The following GRIK4 variants were observed in gnomAD, a reference collection of about 807,000 sequenced individuals.
GRIK4 encodes glutamate receptor ionotropic, kainate 4.
In GRIK4, 40 loss-of-function variants were observed where a neutral mutation model predicts 104.9. The observed-to-expected ratio is 0.38, with a 90% CI of 0.30 to 0.50. GRIK4 has a LOEUF of 0.50. Among genes scored for constraint, GRIK4 ranks in the 20% least tolerant of loss-of-function variants. The probability of loss-of-function intolerance (pLI) is 0.93; values close to 1 mark genes in which losing one functional copy is unlikely to be tolerated. For missense variants in GRIK4, 1,047 were observed against 1,308.1 expected, an observed-to-expected ratio of 0.80 and a Z score of 3.08; for synonymous variants, 485 against 524.9, an observed-to-expected ratio of 0.92 and a Z score of 1.04.
chr11:120,985,909 CGT>C lies in GRIK4; in HGVS notation c.2521_2522del (p.Val841LeufsTer304). The C allele has an allele frequency of 1.3e-6, 2 of 1,551,746 alleles. No homozygotes were observed. Among genetic ancestry groups the C allele is most frequent in the Non-Finnish European group, 1.7e-6 (2 of 1,147,704 alleles). ...GACCTCGCTGTCTCCTCCAGGTGTCCGTCTGCCAGGAGATGGTGACCGAGCTG... is the reference window on the plus strand; with the variant it reads ...GACCTCGCTGTCTCCTCCAGGTGTCCCTGCCAGGAGATGGTGACCGAGCTG... ...LRHSEATEVSVCQEMVTELRS... is the reference protein window; with the variant it reads ...LRHSEATEVSXCQEMVTELRS... On this transcript the variant is annotated frameshift_variant, in exon 21 of 21. Coordinates refer to ENST00000527524, the MANE Select transcript of GRIK4 (RefSeq NM_014619.5). LOFTEE classifies it high-confidence loss of function.
intron 11 of GRIK4, among the ~76,000 whole-genome samples, chr11:120,891,254 G>C (rs1448965031): frequency 6.6e-6 from 1 of 152,218 alleles, no homozygotes; most frequent in Non-Finnish European, 1.5e-5. Flanking sequence ...CAGCCTGGAA[G>C]GAATCTGAGC....
chr11:120,554,249 A>G (rs796705340), intron 1 of GRIK4, among the ~76,000 whole-genome samples: 1 of 152,370 alleles, frequency 6.6e-6, no homozygotes, highest in African/African-American at 2.4e-5. Context: ...AACCCAGGAT[A>G]TCATTGGCAG....
chr11:120,880,281 T>C (rs963081776), intron 11 of GRIK4, among the ~76,000 whole-genome samples: 2 of 152,206 alleles, frequency 1.3e-5, no homozygotes, highest in African/African-American at 4.8e-5. Context: ...TCTACTGACA[T>C]AGTAGCTAAC....
chr11:120,599,117 C>T (rs1023244505), intron 1 of GRIK4, among the ~76,000 whole-genome samples: 1 of 152,228 alleles, frequency 6.6e-6, no homozygotes, highest in African/African-American at 2.4e-5. Flanking sequence ...ACTGAGCTTC[C>T]ACATCTGGAC....
rs1591680871 is a variant in GRIK4 at position 120,536,483 on chromosome 11, T to C, written c.-159+24596T>C. Among the ~76,000 whole-genome samples, 4 of 152,322 alleles carry C rather than the reference T, an allele frequency of 2.6e-5. No individual in the cohort carries two copies. The South Asian group carries it at 6.2e-4, about 24-fold the overall frequency. On this transcript the variant is annotated intron_variant, in intron 1 of 20. Transcript: ENST00000527524. ...GGTGGATGCGGAGCTGGTTGAACAATTGGACCTGGAACATTGATTACAGAT... is the reference window on the plus strand; with the variant it reads ...GGTGGATGCGGAGCTGGTTGAACAACTGGACCTGGAACATTGATTACAGAT...
intron 4 of GRIK4, among the ~76,000 whole-genome samples, chr11:120,808,881 C>A (rs1480510579): frequency 2.0e-5 from 3 of 152,154 alleles, no homozygotes; most frequent in African/African-American, 7.2e-5. Flanking sequence ...CCAGCCCTCC[C>A]CAGTGCACAT....
At chr11:120,867,570 G>T (rs959505891) in intron 9 of GRIK4, among the ~76,000 whole-genome samples, 1 of 151,438 alleles carries the variant, frequency 6.6e-6, no homozygotes, top group Admixed American at 6.6e-5. Context: ...TCCTGACTTG[G>T]GTAAGGGTCT....
At chr11:120,949,217 C>T (rs1293619845) in intron 14 of GRIK4, among the ~76,000 whole-genome samples, 1 of 151,992 alleles carries the variant, frequency 6.6e-6, no homozygotes, top group East Asian at 1.9e-4. Context: ...GCTCCATGGA[C>T]AGCCCCACTA....
chr11:120,654,219 C>T (rs1197080594), intron 2 of GRIK4, among the ~76,000 whole-genome samples: 1 of 152,198 alleles, frequency 6.6e-6, no homozygotes, highest in African/African-American at 2.4e-5. Context: ...TCAATTTGAA[C>T]CCAGCACTGC....
intron 13 of GRIK4, among the ~76,000 whole-genome samples, chr11:120,908,911 C>T (rs898557425): frequency 6.6e-6 from 1 of 152,246 alleles, no homozygotes; most frequent in Non-Finnish European, 1.5e-5. Context: ...AAAATGTGGG[C>T]TGATCTAGCA....
At chr11:120,732,619 T>C (rs1221914236) in intron 3 of GRIK4, among the ~76,000 whole-genome samples, 1 of 152,252 alleles carries the variant, frequency 6.6e-6, no homozygotes, top group Non-Finnish European at 1.5e-5. Flanking sequence ...GAGCATATTG[T>C]TTATTTTCTG....
chr11:120,559,474 A>G (rs1398200515), intron 1 of GRIK4, among the ~76,000 whole-genome samples: 1 of 152,228 alleles, frequency 6.6e-6, no homozygotes, highest in Non-Finnish European at 1.5e-5. Flanking sequence ...CTGGCATCTC[A>G]GGAGAATCTA....
intron 1 of GRIK4, among the ~76,000 whole-genome samples, chr11:120,541,680 A>G (rs549250823): frequency 6.6e-6 from 1 of 152,060 alleles, no homozygotes; most frequent in African/African-American, 2.4e-5. Flanking sequence ...TTTTGTAGAG[A>G]CAGGGTTTTG....
At chr11:120,866,632 G>A (rs1954422413) in intron 9 of GRIK4, among the ~76,000 whole-genome samples, 2 of 152,110 alleles carry the variant, frequency 1.3e-5, no homozygotes, top group Admixed American at 1.3e-4. Flanking sequence ...TGGTGCTGCC[G>A]GCGGAGAACA....
chr11:120,690,242 C>A (rs1361322073), intron 3 of GRIK4, among the ~76,000 whole-genome samples: 1 of 152,166 alleles, frequency 6.6e-6, no homozygotes, highest in Non-Finnish European at 1.5e-5. Flanking sequence ...TGTTGAAGTG[C>A]TGAATAAAAA....
At position 120,666,164 on chromosome 11, in the gene GRIK4, C is replaced by T. The variant is rs371218372; in HGVS notation, c.82+5764C>T. On this transcript the variant is annotated intron_variant, in intron 3 of 20. Transcript: ENST00000527524. ...TTGTGCCATGGTTTGTGGTGTATAG[C>T]GTGTTCTTACACACATGTTAATTCA... 3.9e-5 allele frequency among the ~76,000 whole-genome samples: 6 copies of T among 152,190 alleles called. No homozygotes were observed. In the East Asian group the frequency reaches 7.7e-4, roughly 20 times the overall value.
chr11:120,633,908 G>A (rs1021399054), intron 1 of GRIK4, among the ~76,000 whole-genome samples: 1 of 152,224 alleles, frequency 6.6e-6, no homozygotes, highest in Non-Finnish European at 1.5e-5. Flanking sequence ...CCTCTGAGCT[G>A]ATGCAAACTG....
chr11:120,719,949 C>A (rs186375933), intron 3 of GRIK4, among the ~76,000 whole-genome samples: 1 of 150,738 alleles, frequency 6.6e-6, no homozygotes, highest in African/African-American at 2.4e-5. Context: ...ATGTTAGGAA[C>A]CTTTGTTCCC....
At chr11:120,870,373 T>C (rs1180188901) in intron 9 of GRIK4, 3 of 152,186 alleles carry the variant, frequency 2.0e-5, no homozygotes, top group Non-Finnish European at 4.4e-5. Flanking sequence ...AACCAGTCTT[T>C]CCAGGAGGCA....
Sources: allele counts gnomAD v4.1 joint callset (sites outside exome capture counted in the v4.1 genomes callset), GRCh38; gene constraint gnomAD v4.1.1; transcripts MANE v1.5; gene names NCBI Gene and HGNC (gene_info 2026-07-23, HGNC 2026-07-21).